DMTN: variants seen among roughly 807,000 people sequenced by gnomAD.
DMTN encodes the protein dematin.
DMTN carries 27 observed loss-of-function variants against 59.4 expected under a neutral mutation model. The observed-to-expected ratio is 0.45, with a 90% CI of 0.33 to 0.63. DMTN has a LOEUF of 0.63. Ranked by LOEUF, DMTN falls within the 20% of genes least tolerant of loss-of-function variation. DMTN has a pLI of 0.02. For missense variants in DMTN, 451 were observed against 528.9 expected (o/e 0.85, Z 1.45); for synonymous variants, 221 against 203.7 (o/e 1.08, Z -0.72).
chr8:22,064,909 C>T (rs1008299371), intron 1 of DMTN, among the ~76,000 whole-genome samples: 3 of 152,140 alleles, frequency 2.0e-5, no homozygotes, highest in South Asian at 2.1e-4. Context: ...TTCAGCTCCA[C>T]GACTCTGGAC....
chr8:22,076,635 C>T (rs117733585), intron 10 of DMTN, among the ~76,000 whole-genome samples: 3,874 of 149,934 alleles, frequency 0.026, 52 homozygotes, highest in Middle Eastern at 0.035. Flanking sequence ...TATATATACA[C>T]GATATATATA....
At chr8:22,059,687 G>A (rs777253419) in intron 1 of DMTN, among the ~76,000 whole-genome samples, 4 of 152,174 alleles carry the variant, frequency 2.6e-5, no homozygotes, top group Non-Finnish European at 4.4e-5. Flanking sequence ...GGAGAATGTC[G>A]TTTTGTGTGA....
upstream of DMTN, among the ~76,000 whole-genome samples, chr8:22,051,591 C>T (rs1466058952): frequency 1.3e-5 from 2 of 152,148 alleles, no homozygotes; most frequent in African/African-American, 4.8e-5. Context: ...TTCTCTTTCC[C>T]AGCTCCTCAC....
chr8:22,081,088 A>T, intron 14 of DMTN, 25 bp from the exon 15 acceptor site: 67 of 1,440,130 alleles, frequency 4.7e-5, no homozygotes, highest in Non-Finnish European at 6.0e-5. Flanking sequence ...TGTGAGCCTA[A>T]GATTGCCCCT....
intron 10 of DMTN, 136 bp downstream of exon 10, chr8:22,073,971 C>T: frequency 1.5e-6 from 1 of 662,226 alleles, no homozygotes; most frequent in Non-Finnish European, 2.6e-6. Flanking sequence ...GCAAGAATCC[C>T]AGTCATGGAA....
At position 22,081,100 on chromosome 8, in the gene DMTN, C is replaced by A; in HGVS notation, c.1024-13C>A. 9.9e-6 allele frequency: 7 copies of A among 704,306 alleles called. No homozygotes were observed. The highest frequency in any genetic ancestry group is 1.9e-5 in the African/African-American group (1 of 53,650). 43.6% of individuals were successfully genotyped at this position (704,306 alleles called of 1,614,324 possible). A position where few individuals can be genotyped will look rare whatever the true frequency, so the allele number is the denominator to read the frequency against. On this transcript the variant is annotated splice_polypyrimidine_tract_variant and intron_variant, in intron 14 of 15. Transcript: ENST00000358242. ...TTCTGTGAGCCTAAGATTGCCCCTC[C>A]CCCCACCCCCAGATCTATCCCTATG...
At chr8:22,075,186 C>CAA (rs201457271) in intron 10 of DMTN, among the ~76,000 whole-genome samples, 92,628 of 130,684 alleles carry the variant, frequency 0.71, 34,399 homozygotes, top group East Asian at 0.94. Flanking sequence ...GACTCTGTCT[C>CAA]AAAAAAAAAA....
chr8:22,050,880 A>C (rs985400034), upstream of DMTN, among the ~76,000 whole-genome samples: 1 of 152,172 alleles, frequency 6.6e-6, no homozygotes, highest in African/African-American at 2.4e-5. Context: ...GTGGGTCTTC[A>C]GGCTCTGGAA....
intron 4 of DMTN, 76 bp downstream of exon 4, chr8:22,067,758 G>A (rs2130934381): frequency 5.2e-6 from 8 of 1,536,126 alleles, no homozygotes; most frequent in Non-Finnish European, 6.2e-6. Flanking sequence ...GATCCCTCCC[G>A]TGCTTCCTTT....
chr8:22,072,848 T>A (rs1188282344), intron 9 of DMTN, among the ~76,000 whole-genome samples: 1 of 151,320 alleles, frequency 6.6e-6, no homozygotes, highest in African/African-American at 2.4e-5. Context: ...CCGAAAAGCA[T>A]GCTTTTTGGA....
intron 10 of DMTN, among the ~76,000 whole-genome samples, chr8:22,075,870 T>C (rs1360124921): frequency 1.3e-5 from 2 of 152,124 alleles, no homozygotes; most frequent in African/African-American, 4.8e-5. Context: ...GCAGAAAGCA[T>C]GAAAGATGGG....
intron 1 of DMTN, among the ~76,000 whole-genome samples, chr8:22,061,515 A>T (rs1479871601): frequency 6.6e-6 from 1 of 151,938 alleles, no homozygotes; most frequent in Non-Finnish European, 1.5e-5. Flanking sequence ...TGGGCCACTC[A>T]CCTTTCACCT....
rs1824282686 is a variant in DMTN at position 22,081,517 on chromosome 8, T to TC, written c.*58dup. 10 of 1,538,992 alleles carry TC rather than the reference T, an allele frequency of 6.5e-6. No individual in the cohort carries two copies. Among genetic ancestry groups the TC allele is most frequent in the South Asian group, 1.1e-5 (1 of 89,382 alleles). On this transcript the variant is annotated 3_prime_UTR_variant, in exon 16 of 16. Transcript: ENST00000358242. ...CTTACCCCTGCTGCTTCAGGGTTTT[T>TC]CCCCGGCGGGTTGGGAGGGGCAGGA...
intron 7 of DMTN, 73 bp from the exon 8 acceptor site, chr8:22,070,109 G>C: frequency 6.4e-7 from 1 of 1,553,056 alleles, no homozygotes; most frequent in Non-Finnish European, 8.7e-7. Context: ...ACAGGTGTGA[G>C]GGGGGAGGGG....
At chr8:22,051,373 C>G (rs774985654), upstream of DMTN, among the ~76,000 whole-genome samples, 4 of 152,194 alleles carry the variant, frequency 2.6e-5, no homozygotes, top group African/African-American at 4.8e-5. Context: ...TTCACTCACT[C>G]TTTAGGCCAC....
In DMTN at chr8:22,081,675, C is replaced by T. The variant is rs1824355433; in HGVS notation, c.*212C>T. ...GGGGCCTCCTGCTCTCGTCCCTGGC[C>T]CTCCCTGCACAGGGCAAAGCCAGTC... On this transcript the variant is annotated 3_prime_UTR_variant, in exon 16 of 16. Coordinates refer to ENST00000358242, the MANE Select transcript of DMTN (RefSeq NM_001387751.1). 1.7e-6 allele frequency: 1 copy of T among 598,140 alleles called. No individual in the cohort carries two copies. The highest frequency in any genetic ancestry group is 2.9e-5 in the East Asian group (1 of 34,912). The allele number at this position is 598,140 out of a possible 1,614,324, so 37.1% of individuals were successfully genotyped here.
At chr8:22,071,388 G>A (rs1209788080) in intron 8 of DMTN, among the ~76,000 whole-genome samples, 1 of 151,728 alleles carries the variant, frequency 6.6e-6, no homozygotes, top group Admixed American at 6.6e-5. Context: ...GAGCCACCAT[G>A]CCTGACTCTC....
At chr8:22,079,255 AAAATAAATAAATAAAT>A (rs1228605986) in intron 10 of DMTN, among the ~76,000 whole-genome samples, 2 of 83,424 alleles carry the variant, frequency 2.4e-5, no homozygotes, top group Admixed American at 1.5e-4. Context: ...ACAAAAAATA[AAAATAAATAAATAAAT>A]AAATAAATAT....
rs1312083755 is a variant in DMTN at position 22,058,638 on chromosome 8, C to T, written c.-172+1502C>T. Among the ~76,000 whole-genome samples, 2 of 152,156 alleles carry T rather than the reference C, an allele frequency of 1.3e-5. No individual in the cohort carries two copies. Among genetic ancestry groups the T allele is most frequent in the Non-Finnish European group, 2.9e-5 (2 of 68,018 alleles). On this transcript the variant is annotated intron_variant, in intron 1 of 15. Transcript: ENST00000358242. The surrounding 1 kb of genome is among the most constrained non-coding windows in gnomAD (Gnocchi z 4.3). ...AGAACAAGGGAGGGCAGGCCTTGAG[C>T]AGGGGGACTCTGGGCTCCCCACCCA...
Sources: allele counts gnomAD v4.1 joint callset (sites outside exome capture counted in the v4.1 genomes callset), GRCh38; gene constraint gnomAD v4.1.1; non-coding constraint Gnocchi (gnomAD v3.1); transcripts MANE v1.5; gene names NCBI Gene and HGNC (gene_info 2026-07-23, HGNC 2026-07-21).